Variants in DUS2 observed in about 807,000 individuals in gnomAD.
DUS2 encodes the protein tRNA-dihydrouridine(20) synthase [NAD(P)+]-like.
In DUS2, 52 loss-of-function variants were observed where a neutral mutation model predicts 71.3. That is an observed-to-expected ratio of 0.73 (90% CI 0.58 to 0.92). The LOEUF (loss-of-function observed/expected upper bound fraction) is 0.92, where lower values mean the gene tolerates loss of function less well. Ranked by LOEUF, DUS2 falls within the 40% of genes least tolerant of loss-of-function variation. DUS2 has a pLI of 0.00. For missense variants in DUS2, 558 were observed against 622.6 expected (o/e 0.90, Z 1.10); for synonymous variants, 204 against 227.8 (o/e 0.90, Z 0.94).
At chr16:68,042,747 C>T (rs985811651) in intron 3 of DUS2, among the ~76,000 whole-genome samples, 1 of 151,826 alleles carries the variant, frequency 6.6e-6, no homozygotes, top group Non-Finnish European at 1.5e-5. Context: ...CTCGCTCTAT[C>T]GCCCAGACTG....
intron 3 of DUS2, among the ~76,000 whole-genome samples, chr16:68,048,584 A>G (rs2033735798): frequency 6.6e-6 from 1 of 152,164 alleles, no homozygotes; most frequent in African/African-American, 2.4e-5. Flanking sequence ...GCATTTGTTA[A>G]TCTGATGGTG....
intron 2 of DUS2, chr16:68,026,875 G>GAAAAAAAAAAA (rs397723152): frequency 4.7e-5 from 3 of 63,676 alleles, no homozygotes; most frequent in Admixed American, 1.9e-4. Flanking sequence ...GAGTCTATCT[G>GAAAAAAAAAAA]AAAAAAAAAA....
In DUS2 at chr16:68,070,990, G is replaced by A. The variant is rs1838189245; in HGVS notation, c.692G>A (p.Arg231Gln). 5 of 1,614,056 alleles carry A rather than the reference G, an allele frequency of 3.1e-6. No individual in the cohort carries two copies. The highest frequency in any genetic ancestry group is 1.7e-5 in the Admixed American group (1 of 60,006). ...IQQYSDIEDF[R>Q]QATAASSVMV... ...CAGTATTCGGACATAGAGGACTTTC[G>A]ACAAGCCACGGCAGCCTCTTCCGTG... Residue 231 changes from arginine (R) to glutamine (Q), a missense_variant, in exon 12 of 17, where the codon CGA (arginine) becomes CAA (glutamine). Arg to Gln is a conservative substitution (Grantham distance 43). Transcript: ENST00000565263.
Position 68,049,390 on chromosome 16 carries a change from G to T in DUS2, c.127-115G>T, listed in dbSNP as rs2033747185. On this transcript the variant is annotated intron_variant, in intron 3 of 16. Coordinates refer to ENST00000565263, the MANE Select transcript of DUS2 (RefSeq NM_017803.5). ...CTACATGTCCCAAAAGCCGTGGTTT[G>T]TTCTTGGTAGTAGGGCGACTGGCCA... The T allele has an allele frequency of 2.0e-5, 21 of 1,072,388 alleles. No homozygotes were observed. In the South Asian group the frequency reaches 2.5e-4, roughly 13 times the overall value. 66.4% of individuals were successfully genotyped at this position (1,072,388 alleles called of 1,614,324 possible).
At chr16:68,056,257 A>T in intron 6 of DUS2, 107 bp from the exon 7 acceptor site, 1 of 920,496 alleles carries the variant, frequency 1.1e-6, no homozygotes, top group Non-Finnish European at 1.7e-6. Context: ...TCATAGAGTC[A>T]GGGACAGGGT....
intron 12 of DUS2, 104 bp downstream of exon 12, chr16:68,071,212 C>T: frequency 7.7e-7 from 1 of 1,291,912 alleles, no homozygotes; most frequent in Non-Finnish European, 1.1e-6. Flanking sequence ...GCTTGCTGTT[C>T]CTCTCCTTTT....
intron 6 of DUS2, 144 bp downstream of exon 6, chr16:68,054,761 C>T (rs2033827803): frequency 1.0e-6 from 1 of 1,001,980 alleles, no homozygotes; most frequent in East Asian, 2.5e-5. Flanking sequence ...TGCCTGGTTT[C>T]CAGCCAGGTG....
intron 6 of DUS2, among the ~76,000 whole-genome samples, chr16:68,055,417 G>A (rs2033837891): frequency 6.6e-6 from 1 of 152,108 alleles, no homozygotes; most frequent in Non-Finnish European, 1.5e-5. Flanking sequence ...TTGCGCCACT[G>A]GACTCCAGCC....
chr16:68,034,160 C>G (rs559212873), intron 2 of DUS2, among the ~76,000 whole-genome samples: 1 of 152,138 alleles, frequency 6.6e-6, no homozygotes, highest in East Asian at 1.9e-4. Flanking sequence ...CCTCTGCCTC[C>G]CAGGCTCTAG....
chr16:68,039,115 T>G (rs537276066), intron 3 of DUS2, among the ~76,000 whole-genome samples: 44 of 152,002 alleles, frequency 2.9e-4, no homozygotes, highest in Non-Finnish European at 6.0e-4. Flanking sequence ...AAGAGGAGAT[T>G]GGCGGAAAAC....
chr16:68,041,130 G>A (rs2033619701), intron 3 of DUS2, among the ~76,000 whole-genome samples: 1 of 152,032 alleles, frequency 6.6e-6, no homozygotes, highest in Non-Finnish European at 1.5e-5. Context: ...TCAGGCTGAG[G>A]CAGGAGAAAC....
Position 68,054,600 on chromosome 16 carries a change from T to A in DUS2, c.291T>A (p.Leu97=). ...GGACTTCAGACGCAGAGCGAGCCCT[T>A]GCTGTGGCCAGGCTTGTGTAAGTTC... The part of the protein sequence containing the change: ...QMGTSDAERA[L]AVARLVENDV... The change falls in exon 6 of 17, where the codon CTT becomes CTA. Residue 97 remains leucine, a synonymous_variant. Transcript: ENST00000565263. The A allele has an allele frequency of 1.9e-6, 3 of 1,614,188 alleles. No homozygotes were observed. The highest frequency in any genetic ancestry group is 2.5e-6 in the Non-Finnish European group (3 of 1,180,034).
intron 8 of DUS2, among the ~76,000 whole-genome samples, chr16:68,064,269 A>T (rs1428800493): frequency 6.6e-6 from 1 of 152,142 alleles, no homozygotes; most frequent in Non-Finnish European, 1.5e-5. Context: ...GGATCTGGAG[A>T]GTTGGTGTCC....
intron 3 of DUS2, 37 bp downstream of exon 3, chr16:68,038,186 A>C: frequency 1.2e-6 from 2 of 1,610,468 alleles, no homozygotes; most frequent in Non-Finnish European, 1.7e-6. Context: ...GCTTCTCCAC[A>C]AGTACAGACT....
chr16:68,049,535 A>G lies in DUS2; in HGVS notation c.157A>G (p.Lys53Glu), dbSNP rs1397586810. The change falls in exon 4 of 17, where the codon AAG (lysine) becomes GAG (glutamate). Residue 53 changes from lysine (K) to glutamate (E), a missense_variant. By Grantham distance (56) the Lys-to-Glu change is moderately conservative (BLOSUM62 1). Coordinates refer to ENST00000565263, the MANE Select transcript of DUS2 (RefSeq NM_017803.5). ...GATCGACCTCAAGATGATTCAGTGC[A>G]AGAGAGTTGTTAATGGTGAGTACAG... ...ELIDLKMIQC[K>E]RVVNEVLSTV... 4 of 1,614,082 alleles carry G rather than the reference A, an allele frequency of 2.5e-6. No homozygotes were observed. The highest frequency in any genetic ancestry group is 3.4e-6 in the Non-Finnish European group (4 of 1,180,038).
intron 3 of DUS2, among the ~76,000 whole-genome samples, chr16:68,046,985 C>T (rs536906985): frequency 1.8e-4 from 27 of 150,416 alleles, no homozygotes; most frequent in African/African-American, 6.1e-4. Context: ...CTCCTGACCT[C>T]GTGATCCGCC....
At chr16:68,076,568 G>C in intron 14 of DUS2, 64 bp from the exon 15 acceptor site, 1 of 1,277,378 alleles carries the variant, frequency 7.8e-7, no homozygotes, top group African/African-American at 1.5e-5. Context: ...GCTGAGTAGT[G>C]CCCTGGCTGA....
At position 68,075,510 on chromosome 16, in the gene DUS2, T is replaced by G. The variant is rs760672119; in HGVS notation, c.1082+6T>G. 10 of 1,609,254 alleles carry G rather than the reference T, an allele frequency of 6.2e-6. No homozygotes were observed. The highest frequency in any genetic ancestry group is 8.5e-6 in the Non-Finnish European group (10 of 1,177,432). On this transcript the variant is annotated splice_donor_region_variant and intron_variant, in intron 14 of 16. Coordinates refer to ENST00000565263, the MANE Select transcript of DUS2 (RefSeq NM_017803.5). ...ATGGCTGTCAAGTTTGACCGGTAGGTCTCCAGCTTGGCCTCAGCTTGGGCT... is the reference window on the plus strand; with the variant it reads ...ATGGCTGTCAAGTTTGACCGGTAGGGCTCCAGCTTGGCCTCAGCTTGGGCT...
chr16:68,023,948 A>G (rs1019501907), intron 1 of DUS2: 5 of 167,246 alleles, frequency 3.0e-5, no homozygotes, highest in South Asian at 2.1e-4. Flanking sequence ...CCCGTCAGAA[A>G]CCTGAATTAC....
Sources: allele counts gnomAD v4.1 joint callset (sites outside exome capture counted in the v4.1 genomes callset), GRCh38; gene constraint gnomAD v4.1.1; transcripts MANE v1.5; gene names NCBI Gene and HGNC (gene_info 2026-07-23, HGNC 2026-07-21).